Variants in PLPP4 observed in about 807,000 individuals in gnomAD.
PLPP4 encodes the protein phospholipid phosphatase 4.
PLPP4 carries 20 observed loss-of-function variants against 32.2 expected under a neutral mutation model. The ratio of observed to expected loss-of-function variants is 0.62; its 90% CI spans 0.44 to 0.90. The LOEUF (loss-of-function observed/expected upper bound fraction) is 0.90. Among genes scored for constraint, PLPP4 ranks in the 40% least tolerant of loss-of-function variants. The probability of loss-of-function intolerance (pLI) is 0.00; values close to 1 mark genes in which losing one functional copy is unlikely to be tolerated. For missense variants in PLPP4, 257 were observed against 353.1 expected (o/e 0.73, Z 2.18); for synonymous variants, 127 against 133.0 (o/e 0.95, Z 0.31).
intron 5 of PLPP4, among the ~76,000 whole-genome samples, chr10:120,540,681 G>A (rs1847296378): frequency 6.6e-6 from 1 of 152,212 alleles, no homozygotes; most frequent in Non-Finnish European, 1.5e-5. Context: ...CTGATGGACA[G>A]CAATGGACAT....
At chr10:120,557,024 T>C (rs34538337) in intron 5 of PLPP4, among the ~76,000 whole-genome samples, 7,960 of 152,262 alleles carry the variant, frequency 0.052, 290 homozygotes, top group Middle Eastern at 0.14. Flanking sequence ...TTTTATTTCA[T>C]TCTAATGTTT....
chr10:120,465,989 C>A (rs1848289757), intron 1 of PLPP4, among the ~76,000 whole-genome samples: 2 of 152,066 alleles, frequency 1.3e-5, no homozygotes, highest in East Asian at 3.9e-4. Context: ...AAGTGCAATG[C>A]TGCTATTGGT....
chr10:120,584,026 A>G (rs1029451946), intron 6 of PLPP4, among the ~76,000 whole-genome samples: 1 of 152,222 alleles, frequency 6.6e-6, no homozygotes, highest in African/African-American at 2.4e-5. Flanking sequence ...TGACTGGTCA[A>G]TTTGTGTCCT....
intron 1 of PLPP4, among the ~76,000 whole-genome samples, chr10:120,471,403 A>T (rs912785778): frequency 3.3e-5 from 5 of 151,802 alleles, no homozygotes; most frequent in Non-Finnish European, 2.9e-5. Context: ...AGTAATTTGG[A>T]TGTCATAATT....
chr10:120,520,863 AG>A (rs1056176078), intron 4 of PLPP4, 107 bp from the exon 5 acceptor site: 40 of 1,351,224 alleles, frequency 3.0e-5, no homozygotes, highest in Middle Eastern at 2.0e-4. Context: ...TTGACAGCCA[AG>A]GGGGCTGAGG....
chr10:120,476,345 C>T lies in PLPP4; in HGVS notation c.56+18984C>T, dbSNP rs567232949. ...TGAGTGCTTACTCTGTGCCAGGTAA[C>T]GTTTTTATGCTGTATGTGCAATTAT... On this transcript the variant is annotated intron_variant, in intron 1 of 6. Transcript: ENST00000398250. Among the ~76,000 whole-genome samples, 14 of 152,268 alleles carry T rather than the reference C, an allele frequency of 9.2e-5. No individual in the cohort carries two copies. The South Asian group carries it at 2.9e-3, about 32-fold the overall frequency.
intron 1 of PLPP4, among the ~76,000 whole-genome samples, chr10:120,470,710 A>G (rs1477729204): frequency 6.6e-6 from 1 of 152,074 alleles, no homozygotes; most frequent in African/African-American, 2.4e-5. Flanking sequence ...TATTGTCTCA[A>G]TTAATATTTT....
At chr10:120,520,900 G>T in intron 4 of PLPP4, 71 bp from the exon 5 acceptor site, 1 of 1,567,062 alleles carries the variant, frequency 6.4e-7, no homozygotes, top group Non-Finnish European at 8.7e-7. Flanking sequence ...GTGGGGAGTT[G>T]GGGGGGTCAG....
chr10:120,523,520 A>G (rs1846259650), intron 5 of PLPP4, among the ~76,000 whole-genome samples: 1 of 152,066 alleles, frequency 6.6e-6, no homozygotes, highest in Admixed American at 6.6e-5. Flanking sequence ...AGGGAGTCCC[A>G]TGCTGGCATT....
chr10:120,484,812 G>C (rs926298255), intron 1 of PLPP4, among the ~76,000 whole-genome samples: 9 of 152,300 alleles, frequency 5.9e-5, no homozygotes, highest in African/African-American at 2.2e-4. Context: ...AGGGAATTAA[G>C]GTTACAAATG....
In PLPP4 at chr10:120,549,490, C is replaced by T. The variant is rs114764897; in HGVS notation, c.446-25641C>T. On this transcript the variant is annotated intron_variant, in intron 5 of 6. Coordinates refer to ENST00000398250, the MANE Select transcript of PLPP4 (RefSeq NM_001030059.3). ...TCAAAAAAGCCAGAAGAACAGGGAACATTTCCCAACTGGCTCTGTAAGGCT... is the reference window on the plus strand; with the variant it reads ...TCAAAAAAGCCAGAAGAACAGGGAATATTTCCCAACTGGCTCTGTAAGGCT... Among the ~76,000 whole-genome samples the T allele has an allele frequency of 8.6e-3, 1,308 of 151,902 alleles. 25 individuals are homozygous for T. The highest frequency in any genetic ancestry group is 0.03 in the African/African-American group (1,257 of 41,480).
At chr10:120,556,031 G>GT (rs1848148174) in intron 5 of PLPP4, among the ~76,000 whole-genome samples, 1 of 152,148 alleles carries the variant, frequency 6.6e-6, no homozygotes, top group South Asian at 2.1e-4. Flanking sequence ...AGCTAAAGTG[G>GT]TAAGGCCTGT....
intron 1 of PLPP4, among the ~76,000 whole-genome samples, chr10:120,473,063 C>T (rs985408712): frequency 2.6e-5 from 4 of 152,138 alleles, no homozygotes; most frequent in African/African-American, 9.7e-5. Flanking sequence ...CACCAATTCC[C>T]ACATCAAGAT....
intron 5 of PLPP4, among the ~76,000 whole-genome samples, chr10:120,530,485 A>G (rs1378166190): frequency 6.6e-6 from 1 of 152,146 alleles, no homozygotes; most frequent in Non-Finnish European, 1.5e-5. Flanking sequence ...AGTATCAGTA[A>G]CGTATTCTTT....
At chr10:120,460,838 T>C (rs1848009500) in intron 1 of PLPP4, among the ~76,000 whole-genome samples, 1 of 152,214 alleles carries the variant, frequency 6.6e-6, no homozygotes, top group Non-Finnish European at 1.5e-5. Context: ...TTATTCCCAC[T>C]TTACAAACAA....
intron 5 of PLPP4, among the ~76,000 whole-genome samples, chr10:120,560,329 CA>C (rs35132547): frequency 0.27 from 35,382 of 130,438 alleles, 4,465 homozygotes; most frequent in Non-Finnish European, 0.32. Context: ...AGGACCATTG[CA>C]AAAAAAAAAA....
At chr10:120,462,819 T>C (rs900041298) in intron 1 of PLPP4, among the ~76,000 whole-genome samples, 5 of 152,080 alleles carry the variant, frequency 3.3e-5, no homozygotes, top group Admixed American at 6.5e-5. Context: ...GTCTAGCGAA[T>C]GGATGGCAGC....
intron 1 of PLPP4, among the ~76,000 whole-genome samples, chr10:120,494,682 G>A (rs1465728275): frequency 6.6e-6 from 1 of 152,208 alleles, no homozygotes; most frequent in East Asian, 1.9e-4. Context: ...TGGATTATTT[G>A]ATTAAATCAG....
At chr10:120,490,310 G>T in intron 1 of PLPP4, among the ~76,000 whole-genome samples, 1 of 152,228 alleles carries the variant, frequency 6.6e-6, no homozygotes, top group East Asian at 1.9e-4. Context: ...GAATTGAGAA[G>T]TTCAGAGTTT....
Sources: allele counts gnomAD v4.1 joint callset (sites outside exome capture counted in the v4.1 genomes callset), GRCh38; gene constraint gnomAD v4.1.1; transcripts MANE v1.5; gene names NCBI Gene and HGNC (gene_info 2026-07-23, HGNC 2026-07-21).